Variants in PDE11A observed in about 807,000 individuals in gnomAD.
PDE11A encodes the protein dual 3',5'-cyclic-AMP and -GMP phosphodiesterase 11A.
Under a neutral mutation model 100.5 loss-of-function variants are expected in PDE11A, and 100 were observed. The observed-to-expected ratio is 1.00, with a 90% confidence interval of 0.85 to 1.18. The LOEUF is 1.18. Among genes scored for constraint, PDE11A ranks in the 50% most tolerant of loss-of-function variants. The probability of loss-of-function intolerance (pLI) is 0.00; values close to 1 mark genes in which losing one functional copy is unlikely to be tolerated. For missense variants in PDE11A, 1,141 were observed against 1,152.6 expected (o/e 0.99, Z 0.15); for synonymous variants, 381 against 420.8 (o/e 0.91, Z 1.16).
chr2:178,005,859 T>C (rs71405977), intron 2 of PDE11A, among the ~76,000 whole-genome samples: 9,862 of 152,308 alleles, frequency 0.065, 476 homozygotes, highest in Non-Finnish European at 0.1. Flanking sequence ...CTACCTTATG[T>C]AGATCCTGCA....
chr2:177,744,396 C>A lies in PDE11A; in HGVS notation c.1789-16224G>T, dbSNP rs187436043. Among the ~76,000 whole-genome samples the A allele has an allele frequency of 6.0e-5, 9 of 150,808 alleles. No homozygotes were observed. The East Asian group carries it at 1.8e-3, about 30-fold the overall frequency. ...GATCAACATGAATCTAAAGTATGTTCAGACTTCTTTCGGATTCCTTTTGCT... is the reference window on the plus strand; with the variant it reads ...GATCAACATGAATCTAAAGTATGTTAAGACTTCTTTCGGATTCCTTTTGCT... On this transcript the variant is annotated intron_variant, in intron 10 of 19. Coordinates refer to ENST00000286063, the MANE Select transcript of PDE11A (RefSeq NM_016953.4).
rs561837619 is a variant in PDE11A at position 177,834,923 on chromosome 2, T to C, written c.1500+5328A>G. ...CAAGACACCCTTTTTCTCTCCCTTG[T>C]TGGAGGAGAACCCAGCTCCTCAGCT... On this transcript the variant is annotated intron_variant, in intron 6 of 19. Coordinates refer to ENST00000286063, the MANE Select transcript of PDE11A (RefSeq NM_016953.4). 8.5e-5 allele frequency among the ~76,000 whole-genome samples: 13 copies of C among 152,192 alleles called. No individual in the cohort carries two copies. The South Asian group carries it at 2.7e-3, about 32-fold the overall frequency.
chr2:177,689,237 C>T lies in PDE11A; in HGVS notation c.2345+8095G>A, dbSNP rs549393768. Among the ~76,000 whole-genome samples, 1,223 of 152,276 alleles carry T rather than the reference C, an allele frequency of 8.0e-3. 2 individuals are homozygous for T. The highest frequency in any genetic ancestry group is 0.012 in the Non-Finnish European group (814 of 68,008). ...AGCTGGGATTACAGGCATGCACCACCACGCCCAGCTAATTTTGTATTTTTA... is the reference window on the plus strand; with the variant it reads ...AGCTGGGATTACAGGCATGCACCACTACGCCCAGCTAATTTTGTATTTTTA... On this transcript the variant is annotated intron_variant, in intron 15 of 19. Coordinates refer to ENST00000286063, the MANE Select transcript of PDE11A (RefSeq NM_016953.4).
intron 2 of PDE11A, among the ~76,000 whole-genome samples, chr2:177,944,015 T>G (rs566018499): frequency 1.6e-4 from 24 of 152,224 alleles, no homozygotes; most frequent in Non-Finnish European, 2.9e-4. Context: ...CAGAAGTTAA[T>G]GTTGAGTTTG....
rs1182736473 is a variant in PDE11A, at chr2:177,820,205, T to C, written c.1576+15A>G. 1.3e-5 allele frequency: 17 copies of C among 1,330,542 alleles called. No individual in the cohort carries two copies. The highest frequency in any genetic ancestry group is 1.7e-5 in the Non-Finnish European group (16 of 922,626). The allele number at this position is 1,330,542 out of a possible 1,614,324, so 82.4% of individuals were successfully genotyped here. ...TCTTTATTCAAGAAGTTTAACTATTTAGGTCATCTCTTACCAATTATTTGG... is the reference window on the plus strand; with the variant it reads ...TCTTTATTCAAGAAGTTTAACTATTCAGGTCATCTCTTACCAATTATTTGG... On this transcript the variant is annotated intron_variant, in intron 7 of 19. Transcript: ENST00000286063.
intron 9 of PDE11A, among the ~76,000 whole-genome samples, chr2:177,779,410 A>G (rs1433606965): frequency 1.3e-5 from 2 of 152,214 alleles, no homozygotes; most frequent in Non-Finnish European, 2.9e-5. Flanking sequence ...TCTCTGTAGC[A>G]TACAATGCTG....
intron 2 of PDE11A, among the ~76,000 whole-genome samples, chr2:177,928,317 G>A (rs1177196654): frequency 6.6e-6 from 1 of 152,102 alleles, no homozygotes; most frequent in Non-Finnish European, 1.5e-5. Flanking sequence ...GCCACAAAGT[G>A]AGACCCCATC....
intron 1 of PDE11A, among the ~76,000 whole-genome samples, chr2:178,037,124 C>G (rs2086624132): frequency 6.6e-6 from 1 of 152,194 alleles, no homozygotes; most frequent in African/African-American, 2.4e-5. Context: ...ATCTATCCAT[C>G]TGACAAAGGT....
chr2:177,980,535 T>C (rs2085867871), intron 2 of PDE11A, among the ~76,000 whole-genome samples: 1 of 150,770 alleles, frequency 6.6e-6, no homozygotes, highest in Non-Finnish European at 1.5e-5. Flanking sequence ...CAATTTTGGG[T>C]TCTAAGTTTT....
chr2:177,867,117 C>G (rs2084043383), intron 5 of PDE11A, among the ~76,000 whole-genome samples: 1 of 151,962 alleles, frequency 6.6e-6, no homozygotes, highest in South Asian at 2.1e-4. Flanking sequence ...ATATACACTA[C>G]CTAGGTTTGG....
intron 10 of PDE11A, among the ~76,000 whole-genome samples, chr2:177,752,760 G>C (rs2082041286): frequency 6.6e-6 from 1 of 152,172 alleles, no homozygotes; most frequent in Non-Finnish European, 1.5e-5. Context: ...TTTTCAAGTA[G>C]CTTAGAGTCT....
chr2:177,746,363 G>A (rs370709452), intron 10 of PDE11A, among the ~76,000 whole-genome samples: 35 of 152,062 alleles, frequency 2.3e-4, no homozygotes, highest in Admixed American at 2.0e-3. Context: ...GGGAGGAAAC[G>A]GAACAAACAC....
intron 9 of PDE11A, among the ~76,000 whole-genome samples, chr2:177,771,651 A>T (rs1480176727): frequency 6.6e-6 from 1 of 152,252 alleles, no homozygotes; most frequent in Non-Finnish European, 1.5e-5. Flanking sequence ...AGTGTATTAT[A>T]AGATCTGCAG....
intron 12 of PDE11A, among the ~76,000 whole-genome samples, chr2:177,715,963 G>A (rs2081431633): frequency 6.6e-6 from 1 of 152,182 alleles, no homozygotes; most frequent in South Asian, 2.1e-4. Flanking sequence ...TGGCCAGCTG[G>A]TCTTTTGCTG....
intron 13 of PDE11A, among the ~76,000 whole-genome samples, chr2:177,704,161 C>G (rs1178802730): frequency 6.6e-6 from 1 of 152,040 alleles, no homozygotes; most frequent in African/African-American, 2.4e-5. Context: ...ATGTCAGGCC[C>G]CAGGCATGTG....
At chr2:177,908,961 G>A (rs890112802) in intron 2 of PDE11A, among the ~76,000 whole-genome samples, 4 of 152,092 alleles carry the variant, frequency 2.6e-5, no homozygotes, top group South Asian at 2.1e-4. Context: ...AAATCAGATC[G>A]GTATTAGTTC....
intron 2 of PDE11A, among the ~76,000 whole-genome samples, chr2:178,006,826 G>GA (rs988496680): frequency 5.1e-4 from 1 of 1,964 alleles, no homozygotes; most frequent in African/African-American, 6.2e-4. Flanking sequence ...CAAAACAAGG[G>GA]GGGGGGGGGA....
At chr2:177,667,125 G>A (rs559917629) in intron 18 of PDE11A, among the ~76,000 whole-genome samples, 75 of 152,098 alleles carry the variant, frequency 4.9e-4, no homozygotes, top group African/African-American at 1.8e-3. Flanking sequence ...TGTTGGCCAG[G>A]CTGGTCTCGA....
Position 178,071,926 on chromosome 2 carries a change from A to C in PDE11A, c.512T>G (p.Ile171Ser). The change falls in exon 1 of 20, where the codon ATT (isoleucine) becomes AGT (serine). Residue 171 changes from isoleucine to serine, a missense_variant. Physicochemically the swap from Ile to Ser is moderately radical, Grantham distance 142 (BLOSUM62 -2). Transcript: ENST00000286063. ...TCTCGATTCCAGCAGCGCACTGAGA[A>C]TATGGGCTGTGGTGGGGGGCAGGGA... The part of the protein sequence containing the change: ...ASSLPPTTAH[I>S]LSALLESRVN... 6.2e-7 allele frequency: 1 copy of C among 1,614,000 alleles called. No homozygotes were observed. Among genetic ancestry groups the C allele is most frequent in the Non-Finnish European group, 8.5e-7 (1 of 1,179,864 alleles).
Sources: allele counts gnomAD v4.1 joint callset (sites outside exome capture counted in the v4.1 genomes callset), GRCh38; gene constraint gnomAD v4.1.1; transcripts MANE v1.5; gene names NCBI Gene and HGNC (gene_info 2026-07-23, HGNC 2026-07-21).